CDH11: variants seen among roughly 807,000 people sequenced by gnomAD.
CDH11 encodes cadherin-11.
Under a neutral mutation model 67.8 loss-of-function variants are expected in CDH11, and 11 were observed. The observed-to-expected ratio is 0.16, with a 90% CI of 0.10 to 0.27. The LOEUF is 0.27. CDH11 is among the 10% of genes least tolerant of loss of function. The probability of loss-of-function intolerance (pLI) is 1.00; values close to 1 mark genes in which losing one functional copy is unlikely to be tolerated. For missense variants in CDH11, 847 were observed against 1,031.2 expected, an observed-to-expected ratio of 0.82 and a Z score of 2.45; for synonymous variants, 419 against 400.0, an observed-to-expected ratio of 1.05 and a Z score of -0.57.
intron 11 of CDH11, among the ~76,000 whole-genome samples, chr16:64,969,242 A>G (rs773485264): frequency 2.0e-5 from 3 of 152,224 alleles, no homozygotes; most frequent in Non-Finnish European, 4.4e-5. Context: ...GTTAACAGCA[A>G]CTAAATATGA....
intron 1 of CDH11, among the ~76,000 whole-genome samples, chr16:65,057,622 G>A (rs867808376): frequency 6.6e-6 from 1 of 152,128 alleles, no homozygotes; most frequent in Non-Finnish European, 1.5e-5. Context: ...TGTGTGGAAG[G>A]CTCAGTACGT....
Position 64,955,364 on chromosome 16 carries a change from T to C in CDH11, c.1643-4346A>G, listed in dbSNP as rs192840204. ...GGCTGAGACAAAAGAACCTGGGAGG[T>C]GGAAGTTGCAGTGAGCCGAGATTGT... On this transcript the variant is annotated intron_variant, in intron 11 of 12. Coordinates refer to ENST00000268603, the MANE Select transcript of CDH11 (RefSeq NM_001797.4). Among the ~76,000 whole-genome samples the C allele has an allele frequency of 6.8e-4, 103 of 151,214 alleles. 1 individual carries two copies. In the East Asian group the frequency reaches 0.014, roughly 20 times the overall value.
At chr16:65,104,554 C>A (rs550511721) in intron 1 of CDH11, among the ~76,000 whole-genome samples, 1 of 152,202 alleles carries the variant, frequency 6.6e-6, no homozygotes, top group Non-Finnish European at 1.5e-5. Context: ...AGCAAAAAAA[C>A]AAAAAACAGA....
chr16:65,069,808 C>T (rs1291229306), intron 1 of CDH11, among the ~76,000 whole-genome samples: 3 of 152,104 alleles, frequency 2.0e-5, no homozygotes, highest in Non-Finnish European at 4.4e-5. Context: ...TCCCTGGAAG[C>T]CCCTTTCATT....
chr16:65,109,349 G>C (rs565578709), intron 1 of CDH11, among the ~76,000 whole-genome samples: 1 of 152,310 alleles, frequency 6.6e-6, no homozygotes, highest in Admixed American at 6.5e-5. Flanking sequence ...CCCTGAAAGA[G>C]TAAAGCAAAT....
At chr16:65,055,942 G>C (rs1231812520) in intron 1 of CDH11, among the ~76,000 whole-genome samples, 1 of 152,188 alleles carries the variant, frequency 6.6e-6, no homozygotes, top group Non-Finnish European at 1.5e-5. Context: ...GGAAAAGAAA[G>C]CAGAGCTCTC....
chr16:65,122,129 T>TGGGGG, upstream of CDH11: 1 of 56,104 alleles, frequency 1.8e-5, no homozygotes, highest in South Asian at 1.3e-4. Flanking sequence ...GGCAGGCGGG[T>TGGGGG]GCGGGGCGGG....
intron 1 of CDH11, among the ~76,000 whole-genome samples, chr16:65,097,505 C>A (rs1005578615): frequency 6.6e-6 from 1 of 152,162 alleles, no homozygotes; most frequent in African/African-American, 2.4e-5. Flanking sequence ...CACTGCAGGA[C>A]GTCTAGCGGC....
intron 2 of CDH11, among the ~76,000 whole-genome samples, chr16:65,037,892 C>A (rs1418182022): frequency 1.3e-5 from 2 of 152,152 alleles, no homozygotes; most frequent in African/African-American, 4.8e-5. Context: ...AGCCAGGCAT[C>A]CCCACTCCTG....
chr16:65,090,385 C>T (rs766818685), intron 1 of CDH11, among the ~76,000 whole-genome samples: 3 of 152,044 alleles, frequency 2.0e-5, no homozygotes, highest in African/African-American at 2.4e-5. Context: ...TCACCATTAC[C>T]ACAGATACCA....
chr16:65,097,334 T>C (rs936374922), intron 1 of CDH11, among the ~76,000 whole-genome samples: 34 of 152,368 alleles, frequency 2.2e-4, no homozygotes, highest in Admixed American at 2.2e-3. Flanking sequence ...AATGAAGATA[T>C]AGCCAATTTA....
In CDH11 at chr16:64,988,197, G is replaced by A. The variant is rs373083222; in HGVS notation, c.959C>T (p.Thr320Met). Reference sequence around the variant, plus strand: ...CACCCCCTCCTGTGTTTCATAGTCCGTTGTGATTTCAAACGATTCCATACC... The same window carrying A: ...CACCCCCTCCTGTGTTTCATAGTCCATTGTGATTTCAAACGATTCCATACC... ...GDGMESFEIT[T>M]DYETQEGVIK... The change falls in exon 7 of 13, where the codon ACG becomes ATG. Residue 320 changes from threonine (T) to methionine (M), a missense_variant. Coordinates refer to ENST00000268603, the MANE Select transcript of CDH11 (RefSeq NM_001797.4). 8.8e-5 allele frequency: 142 copies of A among 1,612,444 alleles called. No homozygotes were observed. In the South Asian group the frequency reaches 1.0e-3, roughly 12 times the overall value.
intron 12 of CDH11, 118 bp downstream of exon 12, chr16:64,950,649 C>G: frequency 2.6e-6 from 2 of 757,922 alleles, no homozygotes; most frequent in Non-Finnish European, 3.6e-6. Flanking sequence ...TTTTCTTGAA[C>G]TGTGTCGACA....
intron 11 of CDH11, among the ~76,000 whole-genome samples, chr16:64,969,218 T>G (rs910323342): frequency 8.5e-5 from 13 of 152,312 alleles, no homozygotes; most frequent in African/African-American, 2.9e-4. Context: ...TGTCTTAGTA[T>G]AATGTTTTCA....
At chr16:65,029,917 A>G (rs2073609017) in intron 2 of CDH11, among the ~76,000 whole-genome samples, 2 of 152,204 alleles carry the variant, frequency 1.3e-5, no homozygotes, top group South Asian at 4.1e-4. Context: ...CTTTGATAAA[A>G]TGATCTCAGT....
At chr16:65,008,528 ACT>A (rs1301461378) in intron 2 of CDH11, among the ~76,000 whole-genome samples, 1 of 152,204 alleles carries the variant, frequency 6.6e-6, no homozygotes, top group Non-Finnish European at 1.5e-5. Context: ...ACAAATAGTA[ACT>A]CATCTATTAA....
At chr16:65,015,763 A>G (rs892669859) in intron 2 of CDH11, among the ~76,000 whole-genome samples, 26 of 152,286 alleles carry the variant, frequency 1.7e-4, no homozygotes, top group African/African-American at 4.8e-4. Context: ...CACTCCCCAT[A>G]GTCTGTTTTG....
At chr16:65,012,705 TGCTCTTGAATGACAGCAA>T (rs751742583) in intron 2 of CDH11, among the ~76,000 whole-genome samples, 2 of 152,232 alleles carry the variant, frequency 1.3e-5, no homozygotes, top group Non-Finnish European at 2.9e-5. Flanking sequence ...TCACTTGCAA[TGCTCTTGAATGACAGCAA>T]GCTTCCTGTA....
Position 65,112,544 on chromosome 16 carries a change from G to T in CDH11, c.-298+9336C>A, listed in dbSNP as rs143112076. 5.9e-5 allele frequency among the ~76,000 whole-genome samples: 9 copies of T among 152,208 alleles called. No individual in the cohort carries two copies. The East Asian group carries it at 1.7e-3, about 29-fold the overall frequency. ...TGTTAATATTGTCAGCTCTCTGAAG[G>T]GAAGCCCTCGTGATTTGACCACTTC... On this transcript the variant is annotated intron_variant, in intron 1 of 12. Transcript: ENST00000268603.
Sources: gnomAD v4.1 joint callset for allele counts (sites outside exome capture counted in the v4.1 genomes callset) on GRCh38, gnomAD v4.1.1 for gene constraint, MANE v1.5 for transcripts, NCBI Gene and HGNC (gene_info 2026-07-23, HGNC 2026-07-21) for gene names.